USF3: variants seen among roughly 807,000 people sequenced by gnomAD.
USF3 encodes the protein basic helix-loop-helix domain-containing protein USF3.
USF3 carries 29 observed loss-of-function variants against 157.5 expected under a neutral mutation model. The observed-to-expected ratio is 0.18, with a 90% CI of 0.14 to 0.25. The LOEUF (loss-of-function observed/expected upper bound fraction) is 0.25, where lower values mean the gene tolerates loss of function less well. USF3 is among the 10% of genes least tolerant of loss of function. USF3 has a pLI of 1.00. For missense variants in USF3, 2,381 were observed against 2,667.6 expected (o/e 0.89, Z 2.37); for synonymous variants, 893 against 941.4 (o/e 0.95, Z 0.94).
intron 5 of USF3, among the ~76,000 whole-genome samples, chr3:113,664,636 AAAAC>A (rs1332192820): frequency 6.6e-6 from 1 of 152,210 alleles, no homozygotes; most frequent in Non-Finnish European, 1.5e-5. Flanking sequence ...ATATAATAGT[AAAAC>A]AAACAAAGTC....
chr3:113,675,620 C>T (rs893085621), intron 2 of USF3, among the ~76,000 whole-genome samples: 2 of 152,168 alleles, frequency 1.3e-5, no homozygotes, highest in African/African-American at 2.4e-5. Context: ...TCATTCTCTT[C>T]TCTGACTTTC....
intron 6 of USF3, among the ~76,000 whole-genome samples, chr3:113,661,650 T>C (rs1028566311): frequency 2.6e-5 from 4 of 152,136 alleles, no homozygotes; most frequent in Admixed American, 6.6e-5. Context: ...AAAGGTCAAC[T>C]GAAAAATTAC....
Position 113,657,517 on chromosome 3 carries a change from C to G in USF3, c.4165G>C (p.Val1389Leu), listed in dbSNP as rs1196580445. The change falls in exon 7 of 7, where the codon GTT becomes CTT. Residue 1389 changes from valine (V) to leucine (L), a missense_variant. Val to Leu is a conservative substitution (Grantham distance 32). Coordinates refer to ENST00000316407, the MANE Select transcript of USF3 (RefSeq NM_001009899.4). ...PPNSSNSVVP[V>L]SNPAHGDGLT... ...CCATCTCCATGAGCTGGGTTGCTAA[C>G]AGGCACAACTGAGTTTGAAGAATTA... 1 of 1,614,006 alleles carries G rather than the reference C, an allele frequency of 6.2e-7. No individual in the cohort carries two copies. The highest frequency in any genetic ancestry group is 1.3e-5 in the African/African-American group (1 of 74,910).
intron 6 of USF3, 68 bp downstream of exon 6, chr3:113,664,245 T>C (rs1947529551): frequency 9.8e-7 from 1 of 1,019,152 alleles, no homozygotes; most frequent in East Asian, 2.5e-5. Flanking sequence ...ATAATATAAA[T>C]TTCACTGTGA....
At chr3:113,686,994 AT>A (rs1348655521) in intron 1 of USF3, among the ~76,000 whole-genome samples, 1 of 152,172 alleles carries the variant, frequency 6.6e-6, no homozygotes, top group Non-Finnish European at 1.5e-5. Flanking sequence ...AGAAGAGTTA[AT>A]CTCTACCTCT....
intron 1 of USF3, among the ~76,000 whole-genome samples, chr3:113,685,598 A>G (rs1707530181): frequency 6.6e-6 from 1 of 151,894 alleles, no homozygotes; most frequent in African/African-American, 2.4e-5. Context: ...TCCTTTTCTC[A>G]AGCAGGAGTC....
intron 1 of USF3, among the ~76,000 whole-genome samples, chr3:113,679,761 C>G (rs1280704709): frequency 6.6e-6 from 1 of 152,102 alleles, no homozygotes; most frequent in African/African-American, 2.4e-5. Context: ...TTCCCCTACT[C>G]CAGAAGCAAA....
chr3:113,657,321 T>C lies in USF3; in HGVS notation c.4361A>G (p.His1454Arg), dbSNP rs774059345. 9 of 1,613,602 alleles carry C rather than the reference T, an allele frequency of 5.6e-6. No homozygotes were observed. Among genetic ancestry groups the C allele is most frequent in the Admixed American group, 1.7e-5 (1 of 59,962 alleles). Residue 1454 changes from histidine to arginine, a missense_variant, in exon 7 of 7, where the codon CAT becomes CGT. His to Arg is a conservative substitution (Grantham distance 29, BLOSUM62 0). Transcript: ENST00000316407. ...HVPAQGVSHL[H>R]SNHLYIKQQQ... Reference sequence around the variant, plus strand: ...CTGCTTTATGTAGAGATGGTTACTATGAAGGTGAGATACACCTTGAGCTGG... The same window carrying C: ...CTGCTTTATGTAGAGATGGTTACTACGAAGGTGAGATACACCTTGAGCTGG...
rs768996571 is a variant in USF3 at position 113,674,852 on chromosome 3, C to T, written c.27G>A (p.Thr9=). 10 of 1,613,474 alleles carry T rather than the reference C, an allele frequency of 6.2e-6. No individual in the cohort carries two copies. Among genetic ancestry groups the T allele is most frequent in the Middle Eastern group, 1.7e-4 (1 of 6,060 alleles). Residue 9 remains threonine (T), a synonymous_variant, in exon 3 of 7, where the codon ACG becomes ACA. Transcript: ENST00000316407. ...CATACCTGTGCTGCTTTTTTGTAGG[C>T]GTCTCATTCTCTGTCATTTCTGGCA... MPEMTENE[T]PTKKQHRKKN...
In USF3 at chr3:113,656,578, T is replaced by A. The variant is rs1357074812; in HGVS notation, c.5104A>T (p.Ser1702Cys). ...TTATTTCTGGGAACATCAAGATAGC[T>A]TCTCATTTCAAGCTGATCTGAAACT... ...SRVSDQLEMR[S>C]YLDVPRNKSL... Residue 1702 changes from serine (S) to cysteine (C), a missense_variant, in exon 7 of 7, where the codon AGC (serine) becomes TGC (cysteine). Physicochemically the swap from Ser to Cys is moderately radical, Grantham distance 112 (BLOSUM62 -1). Around this residue, in one of 6 missense-constraint regions of USF3, gnomAD observed 770 missense variants for 824.2 expected, o/e 0.93. Transcript: ENST00000316407. 11 of 1,614,098 alleles carry A rather than the reference T, an allele frequency of 6.8e-6. No individual in the cohort carries two copies. The highest frequency in any genetic ancestry group is 9.3e-6 in the Non-Finnish European group (11 of 1,180,032).
Position 113,657,010 on chromosome 3 carries a change from G to A in USF3, c.4672C>T (p.His1558Tyr), listed in dbSNP as rs1435699721. The change falls in exon 7 of 7, where the codon CAC (histidine) becomes TAC (tyrosine). Residue 1558 changes from histidine (H) to tyrosine (Y), a missense_variant. Transcript: ENST00000316407. Reference protein sequence around the residue: ...SRSKTGQPHPHHQQMQQQMQQ... With the variant: ...SRSKTGQPHPYHQQMQQQMQQ... ...ATTTGTTGCTGCATCTGCTGATGGTGGGGATGTGGCTGGCCAGTCTTGGAT... is the reference window on the plus strand; with the variant it reads ...ATTTGTTGCTGCATCTGCTGATGGTAGGGATGTGGCTGGCCAGTCTTGGAT... The A allele has an allele frequency of 1.9e-6, 3 of 1,614,180 alleles. No homozygotes were observed. The highest frequency in any genetic ancestry group is 1.7e-5 in the Admixed American group (1 of 60,010).
In USF3 at chr3:113,659,708, G is replaced by A. The variant is rs753920872; in HGVS notation, c.1974C>T (p.Asn658=). ...TTAAAGAAATGGTTTGAGGCTGTTG[G>A]TTTGACATGGTAACAGAAAAAGTTT... ...STQTFSVTMS[N]QQPQTISLNG... is the part of the protein sequence containing the mutation. Residue 658 remains asparagine, a synonymous_variant, in exon 7 of 7, where the codon AAC becomes AAT. Transcript: ENST00000316407. 4 of 1,614,092 alleles carry A rather than the reference G, an allele frequency of 2.5e-6. No homozygotes were observed. Among genetic ancestry groups the A allele is most frequent in the Non-Finnish European group, 3.4e-6 (4 of 1,180,040 alleles).
rs981588704 is a variant in USF3 at position 113,649,518 on chromosome 3, T to G, written c.*5426A>C. ...TACTAGGTTTTTTTTTTGTTTTTTG[T>G]TTTTTTTTACAAATCAACATCAAAG... On this transcript the variant is annotated 3_prime_UTR_variant, in exon 7 of 7. Coordinates refer to ENST00000316407, the MANE Select transcript of USF3 (RefSeq NM_001009899.4). 1.5e-4 allele frequency: 41 copies of G among 266,024 alleles called. No homozygotes were observed. The highest frequency in any genetic ancestry group is 3.3e-4 in the South Asian group (2 of 6,074). The allele number at this position is 266,024 out of a possible 1,614,324, so 16.5% of individuals were successfully genotyped here.
At chr3:113,677,454 C>T (rs1220130444) in intron 1 of USF3, 57 bp from the exon 2 acceptor site, 1 of 152,174 alleles carries the variant, frequency 6.6e-6, no homozygotes, top group African/African-American at 2.4e-5. Context: ...ATTAGCACCG[C>T]GTAAGGCAAG....
In USF3 at chr3:113,656,423, T is replaced by A. The variant is rs753083381; in HGVS notation, c.5259A>T (p.Gln1753His). Residue 1753 changes from glutamine (Q) to histidine (H), a missense_variant, in exon 7 of 7, where the codon CAA becomes CAT. Physicochemically the swap from Gln to His is conservative, Grantham distance 24 (BLOSUM62 0). Transcript: ENST00000316407. ...SQQPQSNFEVQSSRNNEIGNP... is the reference protein window; with the variant it reads ...SQQPQSNFEVHSSRNNEIGNP... ...TACCTATTTCATTGTTTCTTGAAGA[T>A]TGTACTTCAAAATTACTCTGGGGCT... The A allele has an allele frequency of 1.2e-6, 2 of 1,614,168 alleles. No homozygotes were observed. Among genetic ancestry groups the A allele is most frequent in the East Asian group, 4.5e-5 (2 of 44,878 alleles).
chr3:113,680,429 T>C (rs1055891752), intron 1 of USF3, among the ~76,000 whole-genome samples: 1 of 152,174 alleles, frequency 6.6e-6, no homozygotes, highest in Non-Finnish European at 1.5e-5. Context: ...TTCTGTGGTA[T>C]CCAATGTACT....
At position 113,685,900 on chromosome 3, in the gene USF3, G is replaced by GA. The variant is rs201495335; in HGVS notation, c.-134-8504dup. ...AGCTGAGCTGGGATCCAAGTTGCAAGAAAAAAATCCTCTTTACTTTTCCCT... is the reference window on the plus strand; with the variant it reads ...AGCTGAGCTGGGATCCAAGTTGCAAGAAAAAAAATCCTCTTTACTTTTCCCT... On this transcript the variant is annotated intron_variant, in intron 1 of 6. Coordinates refer to ENST00000316407, the MANE Select transcript of USF3 (RefSeq NM_001009899.4). Among the ~76,000 whole-genome samples the GA allele has an allele frequency of 4.9e-4, 74 of 152,150 alleles. 1 individual carries two copies. In the East Asian group the frequency reaches 0.014, roughly 28 times the overall value.
intron 1 of USF3, among the ~76,000 whole-genome samples, chr3:113,690,633 A>C (rs1707662915): frequency 6.6e-6 from 1 of 152,096 alleles, no homozygotes; most frequent in African/African-American, 2.4e-5. Flanking sequence ...ACTTCACTTT[A>C]TGCTAAATTC....
At position 113,654,912 on chromosome 3, in the gene USF3, A is replaced by T. The variant is rs761531827; in HGVS notation, c.*32T>A. 2.5e-6 allele frequency: 4 copies of T among 1,576,342 alleles called. No individual in the cohort carries two copies. The highest frequency in any genetic ancestry group is 3.4e-6 in the Non-Finnish European group (4 of 1,159,656). The stretch of plus-strand genomic sequence containing the variant: ...CACGCACAAATACATTTGTAATCTC[A>T]CTCATTACCTTTACATTTTGTTTAT... On this transcript the variant is annotated 3_prime_UTR_variant, in exon 7 of 7. Transcript: ENST00000316407.
Sources: gnomAD v4.1 joint callset for allele counts (sites outside exome capture counted in the v4.1 genomes callset) on GRCh38, gnomAD v4.1.1 for gene constraint, gnomAD v4.1.1 regional missense constraint, MANE v1.5 for transcripts, NCBI Gene and HGNC (gene_info 2026-07-23, HGNC 2026-07-21) for gene names.